Variants in EXOC4 observed in about 807,000 individuals in gnomAD.
EXOC4 encodes exocyst complex component 4.
A neutral mutation model predicts 107.2 loss-of-function variants in EXOC4; 71 were observed. That is an observed-to-expected ratio of 0.66 (90% CI 0.55 to 0.81). The LOEUF (loss-of-function observed/expected upper bound fraction) is 0.81. EXOC4 is among the 30% of genes least tolerant of loss of function. EXOC4 has a pLI of 0.00. For missense variants in EXOC4, 1,108 were observed against 1,189.6 expected (o/e 0.93, Z 1.01); for synonymous variants, 456 against 441.2 (o/e 1.03, Z -0.42).
chr7:133,281,521 C>T (rs1353526262), intron 2 of EXOC4, among the ~76,000 whole-genome samples: 3 of 151,718 alleles, frequency 2.0e-5, no homozygotes, highest in South Asian at 2.1e-4. Flanking sequence ...AGAATGATGT[C>T]GACACATTAA....
At chr7:133,699,943 G>A (rs1245595062) in intron 10 of EXOC4, among the ~76,000 whole-genome samples, 1 of 152,076 alleles carries the variant, frequency 6.6e-6, no homozygotes, top group Non-Finnish European at 1.5e-5. Context: ...GAAAAACCGA[G>A]GTCTGAGGTA....
At chr7:133,330,202 A>G (rs1292643646) in intron 5 of EXOC4, among the ~76,000 whole-genome samples, 1 of 152,040 alleles carries the variant, frequency 6.6e-6, no homozygotes, top group Non-Finnish European at 1.5e-5. Context: ...GGAACTTTGC[A>G]GTGGCATTGT....
intron 7 of EXOC4, among the ~76,000 whole-genome samples, chr7:133,450,580 C>A (rs1274864080): frequency 2.0e-5 from 3 of 152,106 alleles, no homozygotes; most frequent in Non-Finnish European, 4.4e-5. Flanking sequence ...ATGAAGACTG[C>A]CTTTTAGCCT....
At chr7:133,660,677 A>C (rs191283729) in intron 10 of EXOC4, among the ~76,000 whole-genome samples, 15 of 152,350 alleles carry the variant, frequency 9.8e-5, no homozygotes, top group Middle Eastern at 3.4e-3. Context: ...CTTTTTAAAA[A>C]AATTATTCTT....
intron 11 of EXOC4, among the ~76,000 whole-genome samples, chr7:133,826,876 C>T (rs974286086): frequency 1.3e-5 from 2 of 152,106 alleles, no homozygotes; most frequent in Admixed American, 6.5e-5. Flanking sequence ...CACATACTCA[C>T]CACCCGGATT....
chr7:133,649,469 T>TTC (rs573228067), intron 10 of EXOC4, among the ~76,000 whole-genome samples: 4 of 106,948 alleles, frequency 3.7e-5, no homozygotes, highest in Non-Finnish European at 5.9e-5. Flanking sequence ...TACTTTTTCT[T>TTC]TTTTTTTTTT....
intron 4 of EXOC4, among the ~76,000 whole-genome samples, chr7:133,311,454 C>A (rs367950114): frequency 1.3e-5 from 2 of 151,966 alleles, no homozygotes; most frequent in African/African-American, 4.8e-5. Flanking sequence ...GTAATGAAGG[C>A]TATTTAATAT....
chr7:133,465,259 A>G (rs1007403753), intron 7 of EXOC4, among the ~76,000 whole-genome samples: 79 of 152,180 alleles, frequency 5.2e-4, no homozygotes, highest in African/African-American at 1.6e-3. Flanking sequence ...TATTGAAGCT[A>G]TAGTTAGGAA....
chr7:133,988,075 T>C (rs1008786075), intron 14 of EXOC4, among the ~76,000 whole-genome samples: 2 of 152,188 alleles, frequency 1.3e-5, no homozygotes, highest in Admixed American at 6.5e-5. Flanking sequence ...AGATGCTGGG[T>C]ACTTAATGCC....
chr7:133,362,233 T>G (rs934814397), intron 6 of EXOC4, among the ~76,000 whole-genome samples: 10 of 152,198 alleles, frequency 6.6e-5, no homozygotes, highest in African/African-American at 2.4e-4. Context: ...CTAGTACTTA[T>G]ATAGTCTCAT....
At chr7:133,638,443 T>C (rs2151022306) in intron 10 of EXOC4, among the ~76,000 whole-genome samples, 1 of 152,276 alleles carries the variant, frequency 6.6e-6, no homozygotes, top group East Asian at 1.9e-4. Context: ...TTTGAGTTAC[T>C]TTTTTATACT....
chr7:133,668,767 T>A (rs956304827), intron 10 of EXOC4, among the ~76,000 whole-genome samples: 2 of 152,156 alleles, frequency 1.3e-5, no homozygotes, highest in Non-Finnish European at 2.9e-5. Context: ...AATGAGAACA[T>A]CACCTCCAAC....
chr7:133,300,519 C>A (rs910833076), intron 3 of EXOC4, among the ~76,000 whole-genome samples: 1 of 152,174 alleles, frequency 6.6e-6, no homozygotes, highest in Non-Finnish European at 1.5e-5. Context: ...ACCATTTGTA[C>A]ATGAAGTCCG....
chr7:133,340,766 T>A (rs1795642837), intron 5 of EXOC4, among the ~76,000 whole-genome samples: 1 of 152,112 alleles, frequency 6.6e-6, no homozygotes, highest in African/African-American at 2.4e-5. Context: ...GGGTTGTATA[T>A]TTCCAGGAAC....
intron 5 of EXOC4, among the ~76,000 whole-genome samples, chr7:133,342,547 CTTT>C (rs1795686668): frequency 1.3e-5 from 2 of 152,078 alleles, no homozygotes; most frequent in African/African-American, 4.8e-5. Flanking sequence ...CTTTGAGCTT[CTTT>C]TATTTGGATG....
At chr7:133,299,922 A>G in intron 3 of EXOC4, among the ~76,000 whole-genome samples, 1 of 152,184 alleles carries the variant, frequency 6.6e-6, no homozygotes, top group East Asian at 1.9e-4. Context: ...TCTCTGGAGC[A>G]TTATCATTTG....
At chr7:134,018,977 C>G (rs796823185) in intron 17 of EXOC4, among the ~76,000 whole-genome samples, 24 of 152,296 alleles carry the variant, frequency 1.6e-4, no homozygotes, top group African/African-American at 5.8e-4. Flanking sequence ...GTCACCCAGG[C>G]TGAAGTGCAG....
At chr7:133,371,525 T>C (rs559055474) in intron 6 of EXOC4, among the ~76,000 whole-genome samples, 1 of 152,326 alleles carries the variant, frequency 6.6e-6, no homozygotes, top group Admixed American at 6.5e-5. Context: ...TCACTTACCA[T>C]AGTAATTTCA....
At chr7:133,778,029 T>A (rs1407742736) in intron 10 of EXOC4, among the ~76,000 whole-genome samples, 2 of 152,162 alleles carry the variant, frequency 1.3e-5, no homozygotes, top group Admixed American at 6.6e-5. Flanking sequence ...TTTAAAAAAA[T>A]GTCTCTGAAA....
Sources: allele counts gnomAD v4.1 joint callset (sites outside exome capture counted in the v4.1 genomes callset), GRCh38; gene constraint gnomAD v4.1.1; transcripts MANE v1.5; gene names NCBI Gene and HGNC (gene_info 2026-07-23, HGNC 2026-07-21).